ARHGAP31: variants seen among roughly 807,000 people sequenced by gnomAD.
The protein encoded by ARHGAP31 is Rho GTPase activating protein 31, also known as rho GTPase-activating protein 31.
Under a neutral mutation model 113.9 loss-of-function variants are expected in ARHGAP31, and 34 were observed. That is an observed-to-expected ratio of 0.30 (90% confidence interval 0.23 to 0.40). The LOEUF (loss-of-function observed/expected upper bound fraction) is 0.40, where lower values mean the gene tolerates loss of function less well. ARHGAP31 is among the 10% of genes least tolerant of loss of function. The pLI, the probability that ARHGAP31 is intolerant of heterozygous loss-of-function variation, is 1.00. For missense variants in ARHGAP31, 1,548 were observed against 1,767.1 expected (o/e 0.88, Z 2.22); for synonymous variants, 650 against 684.8 (o/e 0.95, Z 0.79).
At chr3:119,354,304 ATGAAACTTGTTT>A (rs757499436) in intron 1 of ARHGAP31, among the ~76,000 whole-genome samples, 1 of 152,234 alleles carries the variant, frequency 6.6e-6, no homozygotes, top group Non-Finnish European at 1.5e-5. Flanking sequence ...ATCTTCCTAA[ATGAAACTTGTTT>A]TGTAAAATCC....
intron 1 of ARHGAP31, chr3:119,314,438 G>A (rs1412918487): frequency 2.6e-5 from 4 of 152,260 alleles, no homozygotes; most frequent in African/African-American, 9.7e-5. Flanking sequence ...ATCTCTGTGA[G>A]ACTCAGGAAC....
intron 8 of ARHGAP31, among the ~76,000 whole-genome samples, chr3:119,395,247 C>A (rs974472936): frequency 2.0e-5 from 3 of 152,158 alleles, no homozygotes; most frequent in African/African-American, 7.2e-5. Flanking sequence ...TCGTGTTTGC[C>A]TGTTAGAGTA....
rs769225565 is a variant in ARHGAP31 at position 119,415,768 on chromosome 3, C to G, written c.3839C>G (p.Pro1280Arg). 3.4e-5 allele frequency: 55 copies of G among 1,614,076 alleles called. No homozygotes were observed. Among genetic ancestry groups the G allele is most frequent in the Admixed American group, 8.3e-5 (5 of 60,006 alleles). Residue 1280 changes from proline (P) to arginine (R), a missense_variant, in exon 12 of 12, where the codon CCC becomes CGC. Physicochemically the swap from Pro to Arg is moderately radical, Grantham distance 103 (BLOSUM62 -2). Coordinates refer to ENST00000264245, the MANE Select transcript of ARHGAP31 (RefSeq NM_020754.4). Reference sequence around the variant, plus strand: ...TCCTCACCAGTGGATGCCACTGCACCCTGCATGTGCGAGGGACCTACCCTT... The same window carrying G: ...TCCTCACCAGTGGATGCCACTGCACGCTGCATGTGCGAGGGACCTACCCTT... ...IKSSPVDATAPCMCEGPTLSP... is the reference protein window; with the variant it reads ...IKSSPVDATARCMCEGPTLSP...
Position 119,414,857 on chromosome 3 carries a change from T to C in ARHGAP31, c.2928T>C (p.Ala976=). The C allele has an allele frequency of 6.2e-7, 1 of 1,614,216 alleles. No individual in the cohort carries two copies. The highest frequency in any genetic ancestry group is 8.5e-7 in the Non-Finnish European group (1 of 1,180,036). Residue 976 remains alanine (A), a synonymous_variant, in exon 12 of 12, where the codon GCT becomes GCC. Transcript: ENST00000264245. ...AGGTTCCCTCCTCCAGCAGCTGTGC[T>C]AATCTTGAAACAGAGAGGAATTCTG... is the stretch of plus-strand genomic sequence containing the variant. The part of the protein sequence containing the change: ...TLEVPSSSSC[A]NLETERNSDP...
intron 1 of ARHGAP31, among the ~76,000 whole-genome samples, chr3:119,298,484 A>G (rs1027805126): frequency 9.2e-5 from 14 of 152,118 alleles, no homozygotes; most frequent in Admixed American, 3.3e-4. Context: ...TGGGTCTTCT[A>G]TTAGAGCTTG....
At chr3:119,323,967 C>CA (rs2079818077) in intron 1 of ARHGAP31, among the ~76,000 whole-genome samples, 1 of 152,112 alleles carries the variant, frequency 6.6e-6, no homozygotes, top group African/African-American at 2.4e-5. Flanking sequence ...CCCAAGGAGA[C>CA]AGAGGGTACA....
At chr3:119,369,352 C>T (rs955748321) in intron 3 of ARHGAP31, among the ~76,000 whole-genome samples, 3 of 150,300 alleles carry the variant, frequency 2.0e-5, no homozygotes, top group Non-Finnish European at 3.0e-5. Flanking sequence ...AGTGTAGATA[C>T]GAAAAGAAGT....
chr3:119,355,902 T>G, intron 1 of ARHGAP31, among the ~76,000 whole-genome samples: 1 of 152,172 alleles, frequency 6.6e-6, no homozygotes, highest in Non-Finnish European at 1.5e-5. Flanking sequence ...ACATTTGGAT[T>G]GGTTCCAAGT....
At chr3:119,329,734 C>T (rs1415873205) in intron 1 of ARHGAP31, 4 of 929,616 alleles carry the variant, frequency 4.3e-6, no homozygotes, top group East Asian at 2.3e-4. Context: ...AGAAGATGCC[C>T]TTCCTGCCCG....
intron 1 of ARHGAP31, among the ~76,000 whole-genome samples, chr3:119,296,494 C>A (rs1259188035): frequency 6.6e-6 from 1 of 152,108 alleles, no homozygotes; most frequent in Non-Finnish European, 1.5e-5. Context: ...TTTGCAGGGG[C>A]CTTCAAGTTA....
intron 1 of ARHGAP31, among the ~76,000 whole-genome samples, chr3:119,335,505 C>G (rs1488142092): frequency 1.3e-5 from 2 of 152,144 alleles, no homozygotes; most frequent in Admixed American, 1.3e-4. Context: ...CAGGGGATGT[C>G]TGTGGAAATG....
chr3:119,390,683 C>G, intron 6 of ARHGAP31, 102 bp from the exon 7 acceptor site: 1 of 1,306,386 alleles, frequency 7.7e-7, no homozygotes, highest in South Asian at 1.2e-5. Context: ...GGCACTCAGC[C>G]CCCATCATAG....
intron 8 of ARHGAP31, among the ~76,000 whole-genome samples, chr3:119,394,121 T>G (rs2080527504): frequency 6.6e-6 from 1 of 152,230 alleles, no homozygotes; most frequent in South Asian, 2.1e-4. Context: ...TTAGGAATTT[T>G]TGCAGAAATC....
At chr3:119,333,181 G>A (rs1371703416) in intron 1 of ARHGAP31, among the ~76,000 whole-genome samples, 2 of 152,148 alleles carry the variant, frequency 1.3e-5, no homozygotes, top group African/African-American at 4.8e-5. Flanking sequence ...ATTCTGGGTT[G>A]AACCAGGCAT....
At position 119,419,066 on chromosome 3, in the gene ARHGAP31, G is replaced by A. The variant is rs77420174; in HGVS notation, c.*2802G>A. 1,090 of 151,552 alleles carry A rather than the reference G, an allele frequency of 7.2e-3. 17 individuals are homozygous for A. Among genetic ancestry groups the A allele is most frequent in the South Asian group, 0.071 (342 of 4,798 alleles). The allele number at this position is 151,552 out of a possible 1,614,324, so 9.4% of individuals were successfully genotyped here. ...TATTTCACCACTCATTTGAGTCTCC[G>A]AAAAATGAACTCCCTGAGAATGGCT... is the stretch of plus-strand genomic sequence containing the variant. On this transcript the variant is annotated 3_prime_UTR_variant, in exon 12 of 12. Transcript: ENST00000264245.
intron 1 of ARHGAP31, among the ~76,000 whole-genome samples, chr3:119,363,376 G>T (rs1028244371): frequency 1.3e-5 from 2 of 151,958 alleles, no homozygotes; most frequent in Admixed American, 1.3e-4. Flanking sequence ...CTGGACCCCT[G>T]CCCACACCCA....
chr3:119,381,037 C>T, intron 4 of ARHGAP31, 51 bp downstream of exon 4: 1 of 1,512,116 alleles, frequency 6.6e-7, no homozygotes, highest in Non-Finnish European at 9.2e-7. Flanking sequence ...CAGTGTAATA[C>T]CAAAGAGACA....
At chr3:119,392,434 C>T (rs1194435654) in intron 7 of ARHGAP31, among the ~76,000 whole-genome samples, 2 of 152,138 alleles carry the variant, frequency 1.3e-5, no homozygotes, top group South Asian at 2.1e-4. Flanking sequence ...GGTAACAGAG[C>T]GAGACCCTGT....
chr3:119,411,661 G>A (rs757502653), intron 11 of ARHGAP31, among the ~76,000 whole-genome samples: 10 of 152,208 alleles, frequency 6.6e-5, no homozygotes, highest in East Asian at 3.8e-4. Context: ...TCCCCGCTCC[G>A]AAGGAGGGCA....
Sources: allele counts gnomAD v4.1 joint callset (sites outside exome capture counted in the v4.1 genomes callset), GRCh38; gene constraint gnomAD v4.1.1; transcripts MANE v1.5; gene names NCBI Gene and HGNC (gene_info 2026-07-23, HGNC 2026-07-21).